Variants in FRMPD2 observed in about 807,000 individuals in gnomAD.
The protein encoded by FRMPD2 is FERM and PDZ domain-containing protein 2.
Under a neutral mutation model 140.1 loss-of-function variants are expected in FRMPD2, and 96 were observed. That is an observed-to-expected ratio of 0.69 (90% CI 0.58 to 0.81). The LOEUF (loss-of-function observed/expected upper bound fraction) is 0.81, where lower values mean the gene tolerates loss of function less well. FRMPD2 is among the 40% of genes least tolerant of loss of function. FRMPD2 has a pLI of 0.00. For synonymous variants in FRMPD2, 449 were observed against 547.6 expected, an observed-to-expected ratio of 0.82 and a Z score of 2.52; for missense variants, 1,240 against 1,447.4, an observed-to-expected ratio of 0.86 and a Z score of 2.32.
chr10:48,183,632 C>T (rs1400875687), intron 20 of FRMPD2, among the ~76,000 whole-genome samples: 1 of 151,992 alleles, frequency 6.6e-6, no homozygotes, highest in African/African-American at 2.4e-5. Flanking sequence ...GGGCAGATCA[C>T]TTGAGTTCAG....
At chr10:48,183,782 G>A (rs1370020727) in intron 20 of FRMPD2, among the ~76,000 whole-genome samples, 1 of 137,996 alleles carries the variant, frequency 7.2e-6, no homozygotes, top group Admixed American at 8.0e-5. Flanking sequence ...AACCCAGGAG[G>A]TGGAGCCTGC....
At chr10:48,268,154 G>T (rs1481645495) in intron 1 of FRMPD2, among the ~76,000 whole-genome samples, 2 of 152,142 alleles carry the variant, frequency 1.3e-5, no homozygotes, top group Admixed American at 6.5e-5. Flanking sequence ...CTGGCCATAA[G>T]GGGAAGGCAA....
At chr10:48,204,535 A>G (rs944006671) in intron 14 of FRMPD2, among the ~76,000 whole-genome samples, 7 of 152,262 alleles carry the variant, frequency 4.6e-5, no homozygotes, top group Non-Finnish European at 8.8e-5. Flanking sequence ...GCCATCATAC[A>G]GAAAAATAAT....
intron 3 of FRMPD2, among the ~76,000 whole-genome samples, chr10:48,247,198 C>T (rs1299479886): frequency 1.3e-5 from 2 of 152,198 alleles, no homozygotes; most frequent in African/African-American, 4.8e-5. Context: ...TTTTCCAGCT[C>T]AAAGACGCTC....
chr10:48,160,399 G>T (rs1358800232), intron 28 of FRMPD2, among the ~76,000 whole-genome samples: 1 of 150,774 alleles, frequency 6.6e-6, no homozygotes, highest in Non-Finnish European at 1.5e-5. Flanking sequence ...CCGGCAATTT[G>T]CTGGGAATTT....
chr10:48,210,951 T>A (rs1288324827), intron 13 of FRMPD2, among the ~76,000 whole-genome samples: 1 of 152,246 alleles, frequency 6.6e-6, no homozygotes, highest in East Asian at 1.9e-4. Flanking sequence ...TTGTATCCCA[T>A]CCTGGGGAAG....
At chr10:48,184,328 A>G (rs1362652005) in intron 20 of FRMPD2, among the ~76,000 whole-genome samples, 3 of 152,194 alleles carry the variant, frequency 2.0e-5, no homozygotes, top group African/African-American at 4.8e-5. Flanking sequence ...AGCCGTGTCT[A>G]ACAAAATTAG....
rs1212940164 is a variant in FRMPD2, at chr10:48,169,873, C to T, written c.3438+1121G>A. Among the ~76,000 whole-genome samples the T allele has an allele frequency of 2.2e-5, 2 of 89,530 alleles. 1 individual carries two copies. Among genetic ancestry groups the T allele is most frequent in the Non-Finnish European group, 4.8e-5 (2 of 41,386 alleles). The allele number at this position is 89,530 out of a possible 152,430, so 58.7% of individuals were successfully genotyped here. ...CACAGGACTTCCAAGGGGTGCACTT[C>T]TTTCCTGGCTCACTGGTGTGAGCAC... On this transcript the variant is annotated intron_variant, in intron 26 of 28. Coordinates refer to ENST00000374201, the MANE Select transcript of FRMPD2 (RefSeq NM_001018071.4).
At chr10:48,207,435 G>A (rs1318882776) in intron 13 of FRMPD2, among the ~76,000 whole-genome samples, 1 of 152,142 alleles carries the variant, frequency 6.6e-6, no homozygotes, top group Non-Finnish European at 1.5e-5. Context: ...ACCCTGCAGA[G>A]AAAATGACCA....
chr10:48,247,145 G>T (rs1400008219), intron 3 of FRMPD2, among the ~76,000 whole-genome samples: 1 of 152,240 alleles, frequency 6.6e-6, no homozygotes, highest in Non-Finnish European at 1.5e-5. Context: ...GAGTCCTCGT[G>T]CCTCTGCCTG....
chr10:48,259,622 ATG>A (rs919226840), intron 1 of FRMPD2, among the ~76,000 whole-genome samples: 1 of 145,728 alleles, frequency 6.9e-6, no homozygotes, highest in African/African-American at 2.8e-5. Context: ...TAGTACATGA[ATG>A]TGTGTGTGTA....
rs1428516774 is a variant in FRMPD2, at chr10:48,242,209, A to G, written c.519T>C (p.Gly173=). The G allele has an allele frequency of 6.2e-7, 1 of 1,614,034 alleles. No homozygotes were observed. Among genetic ancestry groups the G allele is most frequent in the Admixed American group, 1.7e-5 (1 of 59,990 alleles). Residue 173 remains glycine, a synonymous_variant, in exon 5 of 29, where the codon GGT becomes GGC. Coordinates refer to ENST00000374201, the MANE Select transcript of FRMPD2 (RefSeq NM_001018071.4). The part of the protein sequence containing the change: ...KEVSVYPAPA[G]LHIRRLVGLV... ...AGCCAACCAGCCTTCTGATGTGGAG[A>G]CCAGCAGGGGCTGGGTAGACAGACA... is the stretch of plus-strand genomic sequence containing the variant.
At chr10:48,223,387 G>A in intron 10 of FRMPD2, 117 bp from the exon 11 acceptor site, 2 of 983,460 alleles carry the variant, frequency 2.0e-6, no homozygotes, top group Admixed American at 5.3e-5. Context: ...GAGTGCAGGA[G>A]TGGGAGGTAA....
intron 15 of FRMPD2, among the ~76,000 whole-genome samples, chr10:48,197,643 G>T (rs1199197923): frequency 6.6e-6 from 1 of 152,126 alleles, no homozygotes; most frequent in African/African-American, 2.4e-5. Context: ...TGCAGCTCCA[G>T]GAACCACGCT....
intron 2 of FRMPD2, 80 bp from the exon 3 acceptor site, chr10:48,249,258 C>G (rs537715244): frequency 7.3e-7 from 1 of 1,366,344 alleles, no homozygotes; most frequent in East Asian, 2.3e-5. Flanking sequence ...CCAGCAGGTG[C>G]CTGGCAGTAC....
chr10:48,236,376 A>T, intron 9 of FRMPD2, 106 bp downstream of exon 9: 5 of 892,232 alleles, frequency 5.6e-6, no homozygotes, highest in South Asian at 5.5e-5. Flanking sequence ...ACTGAATGCC[A>T]CTGGGGTGTT....
intron 15 of FRMPD2, among the ~76,000 whole-genome samples, chr10:48,197,735 C>T (rs770913469): frequency 1.1e-4 from 17 of 152,338 alleles, no homozygotes; most frequent in Admixed American, 1.0e-3. Context: ...ACATTGACAG[C>T]AGCTGTGGTA....
chr10:48,163,617 A>C lies in FRMPD2; in HGVS notation c.3592T>G (p.Cys1198Gly). 3.1e-6 allele frequency: 4 copies of C among 1,309,770 alleles called. No homozygotes were observed. The highest frequency in any genetic ancestry group is 4.4e-6 in the Non-Finnish European group (4 of 907,082). The allele number at this position is 1,309,770 out of a possible 1,614,324, so 81.1% of individuals were successfully genotyped here. ...EFTRATCTDS[C>G]TSPILDQEDS... ...TCTTGATCCAGGATGGGGCTGGTAC[A>C]TGAGTCAGTACATGTTGCCCTGGTG... The change falls in exon 28 of 29, where the codon TGT becomes GGT. Residue 1198 changes from cysteine to glycine, a missense_variant. By Grantham distance (159) the Cys-to-Gly change is radical (BLOSUM62 -3). Around this residue, in one of 6 missense-constraint regions of FRMPD2, gnomAD observed 30 missense variants for 227.5 expected, o/e 0.13. Transcript: ENST00000374201.
intron 26 of FRMPD2, among the ~76,000 whole-genome samples, chr10:48,170,694 T>A (rs2579716): frequency 7.0e-6 from 1 of 142,912 alleles, no homozygotes; most frequent in African/African-American, 2.6e-5. Context: ...TTCAGCCCCA[T>A]GCCCACCTCC....
Sources: allele counts gnomAD v4.1 joint callset (sites outside exome capture counted in the v4.1 genomes callset), GRCh38; gene constraint gnomAD v4.1.1; regional missense constraint gnomAD v4.1.1; transcripts MANE v1.5; gene names NCBI Gene and HGNC (gene_info 2026-07-23, HGNC 2026-07-21).